Variants in CDH12 observed in about 807,000 individuals in gnomAD.
The protein encoded by CDH12 is cadherin-12.
CDH12 carries 41 observed loss-of-function variants against 74.1 expected under a neutral mutation model. That is an observed-to-expected ratio of 0.55 (90% confidence interval 0.43 to 0.72). The LOEUF (loss-of-function observed/expected upper bound fraction) is 0.72. Among genes scored for constraint, CDH12 ranks in the 30% least tolerant of loss-of-function variants. The pLI, the probability that CDH12 is intolerant of heterozygous loss-of-function variation, is 0.00. For missense variants in CDH12, 945 were observed against 977.2 expected, an observed-to-expected ratio of 0.97 and a Z score of 0.44; for synonymous variants, 399 against 355.0, an observed-to-expected ratio of 1.12 and a Z score of -1.39.
intron 1 of CDH12, among the ~76,000 whole-genome samples, chr5:22,660,491 A>C (rs901199209): frequency 6.6e-5 from 10 of 152,154 alleles, no homozygotes; most frequent in Non-Finnish European, 1.3e-4. Flanking sequence ...CATATTCACC[A>C]AGTTTGTCCT....
intron 6 of CDH12, among the ~76,000 whole-genome samples, chr5:21,964,671 T>C (rs1044259725): frequency 6.6e-6 from 1 of 152,028 alleles, no homozygotes; most frequent in Admixed American, 6.6e-5. Context: ...ATGTAGACAG[T>C]GTTCTTTTTG....
intron 1 of CDH12, among the ~76,000 whole-genome samples, chr5:22,695,657 T>C (rs2126950341): frequency 6.6e-6 from 1 of 152,318 alleles, no homozygotes; most frequent in African/African-American, 2.4e-5. Context: ...AATCTTTGGG[T>C]ATTCTTTCTA....
intron 3 of CDH12, among the ~76,000 whole-genome samples, chr5:22,236,261 A>G (rs972055198): frequency 1.3e-5 from 2 of 152,102 alleles, no homozygotes; most frequent in African/African-American, 2.4e-5. Flanking sequence ...TTACTGTAAC[A>G]TTTTTACTTT....
rs570854332 is a variant in CDH12 at position 21,988,427 on chromosome 5, G to T, written c.232-13042C>A. ...GAATGGCGTGAACCCAGGAGGCGGAGGTTGCAGTGAGCCAAGATCATTGCA... is the reference window on the plus strand; with the variant it reads ...GAATGGCGTGAACCCAGGAGGCGGATGTTGCAGTGAGCCAAGATCATTGCA... On this transcript the variant is annotated intron_variant, in intron 5 of 14. Transcript: ENST00000382254. Among the ~76,000 whole-genome samples the T allele has an allele frequency of 1.9e-4, 28 of 146,212 alleles. No individual in the cohort carries two copies. In the East Asian group the frequency reaches 5.2e-3, roughly 27 times the overall value.
At chr5:22,636,575 G>T (rs1045445812) in intron 1 of CDH12, among the ~76,000 whole-genome samples, 1 of 152,148 alleles carries the variant, frequency 6.6e-6, no homozygotes, top group African/African-American at 2.4e-5. Context: ...TTTAAAAAAT[G>T]ACACGTTGTT....
chr5:22,511,188 G>T (rs1736592871), intron 1 of CDH12, among the ~76,000 whole-genome samples: 1 of 151,942 alleles, frequency 6.6e-6, no homozygotes, highest in Non-Finnish European at 1.5e-5. Context: ...AGCCACCATG[G>T]CTGGCCAACA....
Position 22,302,009 on chromosome 5 carries a change from G to GGAGA in CDH12, c.-332-89370_-332-89367dup, listed in dbSNP as rs36001047. On this transcript the variant is annotated intron_variant, in intron 3 of 14. Coordinates refer to ENST00000382254, the MANE Select transcript of CDH12 (RefSeq NM_004061.5). ...AACATATAGGTACATATATATATATGGAGAGAGAGAGAGAGAGAGAGAGTG... is the reference window on the plus strand; with the variant it reads ...AACATATAGGTACATATATATATATGGAGAGAGAGAGAGAGAGAGAGAGAGAGTG... Among the ~76,000 whole-genome samples, 1,294 of 145,436 alleles carry GGAGA rather than the reference G, an allele frequency of 8.9e-3. 17 individuals are homozygous for GGAGA. Among genetic ancestry groups the GGAGA allele is most frequent in the South Asian group, 0.078 (357 of 4,568 alleles).
chr5:22,460,770 G>A (rs1423295153), intron 2 of CDH12, among the ~76,000 whole-genome samples: 1 of 134,262 alleles, frequency 7.4e-6, no homozygotes, highest in East Asian at 2.2e-4. Context: ...CCCCAGGATG[G>A]AGCGTGATGG....
rs972989770 is a variant in CDH12, at chr5:22,509,745, A to T, written c.-522-4381T>A. On this transcript the variant is annotated intron_variant, in intron 1 of 14. Coordinates refer to ENST00000382254, the MANE Select transcript of CDH12 (RefSeq NM_004061.5). ...ACACAAAAATCTTCTGTCCACTAGTATTGGGAAGCTGCACAAATACCAGCT... is the reference window on the plus strand; with the variant it reads ...ACACAAAAATCTTCTGTCCACTAGTTTTGGGAAGCTGCACAAATACCAGCT... Among the ~76,000 whole-genome samples the T allele has an allele frequency of 2.0e-5, 3 of 152,208 alleles. No individual in the cohort carries two copies. In the South Asian group the frequency reaches 6.2e-4, roughly 31 times the overall value.
intron 6 of CDH12, among the ~76,000 whole-genome samples, chr5:21,958,876 T>C (rs1490106786): frequency 6.6e-6 from 1 of 152,230 alleles, no homozygotes; most frequent in Non-Finnish European, 1.5e-5. Context: ...TGTAAATTGA[T>C]TTGTGCAGTA....
rs1298636885 is a variant in CDH12, at chr5:21,751,682, T to C, written c.*55A>G. 7.6e-6 allele frequency: 11 copies of C among 1,455,798 alleles called. No homozygotes were observed. Among genetic ancestry groups the C allele is most frequent in the African/African-American group, 1.4e-5 (1 of 70,152 alleles). 90.2% of individuals were successfully genotyped at this position (1,455,798 alleles called of 1,614,324 possible). A position where few individuals can be genotyped will look rare whatever the true frequency, so the allele number is the denominator to read the frequency against. On this transcript the variant is annotated 3_prime_UTR_variant, in exon 15 of 15. Transcript: ENST00000382254. Reference sequence around the variant, plus strand: ...AGATTTCTATTAATATTTGTGTTTCTTTTTCTTTTTTAAAAATCTCCCCTC... The same window carrying C: ...AGATTTCTATTAATATTTGTGTTTCCTTTTCTTTTTTAAAAATCTCCCCTC...
chr5:22,109,661 G>A (rs1744698464), intron 4 of CDH12, among the ~76,000 whole-genome samples: 1 of 152,120 alleles, frequency 6.6e-6, no homozygotes, highest in Admixed American at 6.6e-5. Context: ...GAAACACTCT[G>A]AATTTTGATT....
chr5:22,755,461 T>G (rs139570058), intron 1 of CDH12, among the ~76,000 whole-genome samples: 100 of 152,258 alleles, frequency 6.6e-4, no homozygotes, highest in Middle Eastern at 3.4e-3. Context: ...AGTTTGAGTT[T>G]GTATCCAAAT....
At chr5:22,327,273 C>T (rs1739152064) in intron 3 of CDH12, among the ~76,000 whole-genome samples, 1 of 151,692 alleles carries the variant, frequency 6.6e-6, no homozygotes, top group African/African-American at 2.4e-5. Context: ...ATTTCTTCCC[C>T]AAAGACACAA....
intron 4 of CDH12, among the ~76,000 whole-genome samples, chr5:22,098,385 T>C (rs542006652): frequency 1.5e-4 from 23 of 152,280 alleles, no homozygotes; most frequent in African/African-American, 4.6e-4. Flanking sequence ...GCATGGTTAG[T>C]GTGGTCAGAA....
chr5:21,842,366 C>A (rs1295165162), intron 7 of CDH12, 38 bp from the exon 8 acceptor site: 1 of 1,386,190 alleles, frequency 7.2e-7, no homozygotes, highest in African/African-American at 1.4e-5. Flanking sequence ...ATAAATATCA[C>A]AAATGCTCTG....
At chr5:22,791,456 A>G (rs1747900763) in intron 1 of CDH12, among the ~76,000 whole-genome samples, 1 of 152,208 alleles carries the variant, frequency 6.6e-6, no homozygotes, top group Non-Finnish European at 1.5e-5. Flanking sequence ...TTCAATCTAT[A>G]TTTAATGCCT....
At chr5:22,553,071 C>A (rs1738647153) in intron 1 of CDH12, among the ~76,000 whole-genome samples, 1 of 152,004 alleles carries the variant, frequency 6.6e-6, no homozygotes, top group Non-Finnish European at 1.5e-5. Context: ...TACTTAACTC[C>A]TTGCCTAAAT....
intron 9 of CDH12, among the ~76,000 whole-genome samples, chr5:21,812,287 T>C (rs987393056): frequency 6.6e-6 from 1 of 152,098 alleles, no homozygotes; most frequent in Non-Finnish European, 1.5e-5. Context: ...TATTTGGGAC[T>C]TTCTAAATGC....
Sources: allele counts gnomAD v4.1 joint callset (sites outside exome capture counted in the v4.1 genomes callset), GRCh38; gene constraint gnomAD v4.1.1; transcripts MANE v1.5; gene names NCBI Gene and HGNC (gene_info 2026-07-23, HGNC 2026-07-21).